USP20: variants seen among roughly 807,000 people sequenced by gnomAD.
USP20 encodes the protein ubiquitin specific peptidase 20, also known as ubiquitin carboxyl-terminal hydrolase 20.
Under a neutral mutation model 124.2 loss-of-function variants are expected in USP20, and 80 were observed. The ratio of observed to expected loss-of-function variants is 0.64; its 90% confidence interval spans 0.54 to 0.78. USP20 has a LOEUF of 0.78. Ranked by LOEUF, USP20 falls within the 30% of genes least tolerant of loss-of-function variation. The probability of loss-of-function intolerance (pLI) is 0.00; values close to 1 mark genes in which losing one functional copy is unlikely to be tolerated. For synonymous variants in USP20, 481 were observed against 512.3 expected (o/e 0.94, Z 0.83); for missense variants, 1,043 against 1,244.4 (o/e 0.84, Z 2.44).
chr9:129,869,275 G>A (rs2131085659), intron 12 of USP20, 35 bp from the exon 13 acceptor site: 1 of 1,588,084 alleles, frequency 6.3e-7, no homozygotes, highest in Non-Finnish European at 8.6e-7. Flanking sequence ...GGCCAGGCAG[G>A]TGGAGGCTGG....
intron 14 of USP20, chr9:129,870,228 A>G: frequency 1.7e-6 from 1 of 586,056 alleles, no homozygotes; most frequent in Non-Finnish European, 3.0e-6. Context: ...CATGGCCGCA[A>G]CACAGATGAA....
intron 10 of USP20, among the ~76,000 whole-genome samples, chr9:129,866,376 T>A (rs1290202679): frequency 6.6e-6 from 1 of 152,192 alleles, no homozygotes; most frequent in Non-Finnish European, 1.5e-5. Context: ...ATTTAAGTGG[T>A]CACAACTTAG....
At chr9:129,857,963 C>A in intron 4 of USP20, 87 bp from the exon 5 acceptor site, 1 of 1,220,334 alleles carries the variant, frequency 8.2e-7, no homozygotes, top group Non-Finnish European at 1.2e-6. Context: ...GAGGTAGGGG[C>A]ACTGACTTTG....
At chr9:129,840,812 C>T (rs1215811092) in intron 1 of USP20, among the ~76,000 whole-genome samples, 1 of 150,210 alleles carries the variant, frequency 6.7e-6, no homozygotes, top group African/African-American at 2.5e-5. Flanking sequence ...CTCTTGTCAC[C>T]CAGGCTGGAG....
chr9:129,844,346 T>C (rs1411875461), intron 1 of USP20, among the ~76,000 whole-genome samples: 1 of 151,968 alleles, frequency 6.6e-6, no homozygotes, highest in African/African-American at 2.4e-5. Context: ...ATATATCTGG[T>C]TGGGCATGGT....
rs756913861 is a variant in USP20, at chr9:129,874,717, G to A, written c.1882G>A (p.Asp628Asn). 3 of 1,613,706 alleles carry A rather than the reference G, an allele frequency of 1.9e-6. No homozygotes were observed. The highest frequency in any genetic ancestry group is 1.7e-5 in the Admixed American group (1 of 59,986). The change falls in exon 18 of 26, where the codon GAC (aspartate) becomes AAC (asparagine). Residue 628 changes from aspartate to asparagine, a missense_variant. Transcript: ENST00000372429. Reference protein sequence around the residue: ...KECTSQITTYDLLSVICHHGT... With the variant: ...KECTSQITTYNLLSVICHHGT... ...GTGCACATCCCAGATCACCACCTAC[G>A]ACCTCCTCTCGGTCATCTGCCACCA...
At chr9:129,858,709 T>C in intron 6 of USP20, 111 bp downstream of exon 6, 1 of 1,482,846 alleles carries the variant, frequency 6.7e-7, no homozygotes, top group South Asian at 1.3e-5. Flanking sequence ...GAGGTGTCTG[T>C]TTCTGGGTCA....
At chr9:129,846,865 G>A (rs1054119335) in intron 1 of USP20, among the ~76,000 whole-genome samples, 3 of 152,056 alleles carry the variant, frequency 2.0e-5, no homozygotes, top group Middle Eastern at 3.4e-3. Context: ...GACCTCAAGT[G>A]ATCCGCCTGC....
intron 10 of USP20, among the ~76,000 whole-genome samples, chr9:129,865,638 C>T (rs1455183923): frequency 1.3e-5 from 2 of 152,128 alleles, no homozygotes; most frequent in African/African-American, 4.8e-5. Context: ...GGCCACACAG[C>T]TAGTAAATGG....
chr9:129,869,907 G>A, intron 14 of USP20, 63 bp downstream of exon 14: 1 of 1,583,222 alleles, frequency 6.3e-7, no homozygotes, highest in Non-Finnish European at 8.6e-7. Flanking sequence ...TCCTGGGCGG[G>A]AGACAGTACA....
chr9:129,879,582 G>A lies in USP20; in HGVS notation c.2522G>A (p.Gly841Glu). 1 of 1,613,640 alleles carries A rather than the reference G, an allele frequency of 6.2e-7. No individual in the cohort carries two copies. The highest frequency in any genetic ancestry group is 8.5e-7 in the Non-Finnish European group (1 of 1,179,958). Residue 841 changes from glycine (G) to glutamate (E), a missense_variant, in exon 24 of 26, where the codon GGG becomes GAG. By Grantham distance (98) the Gly-to-Glu change is moderately conservative. Coordinates refer to ENST00000372429, the MANE Select transcript of USP20 (RefSeq NM_001110303.4). This position sits in a 1 kb window ranked among gnomAD's most constrained non-coding sequence, Gnocchi z 4.2. The part of the protein sequence containing the change: ...FVKGKDNEPP[G>E]PIDNSRIAQV... ...GCTGTGTCTGTTGCAGAGCCCCCCG[G>A]GCCCATTGACAACAGCAGGATTGCA...
intron 1 of USP20, among the ~76,000 whole-genome samples, chr9:129,846,054 A>G (rs368147085): frequency 8.6e-5 from 13 of 151,406 alleles, no homozygotes; most frequent in African/African-American, 3.2e-4. Context: ...CCTCCCGAGT[A>G]GCTGGGACTA....
intron 2 of USP20, among the ~76,000 whole-genome samples, chr9:129,851,658 T>A (rs2032925707): frequency 6.6e-6 from 1 of 152,256 alleles, no homozygotes; most frequent in Non-Finnish European, 1.5e-5. Flanking sequence ...TATCTTTTTA[T>A]ACCCCTGATT....
At chr9:129,869,042 G>A (rs2033979771) in intron 12 of USP20, 40 bp downstream of exon 12, 1 of 1,574,196 alleles carries the variant, frequency 6.4e-7, no homozygotes, top group South Asian at 1.1e-5. Flanking sequence ...TTGAGGCTGG[G>A]AGTACAGATT....
chr9:129,849,273 A>G (rs2032765074), intron 1 of USP20, among the ~76,000 whole-genome samples: 1 of 152,156 alleles, frequency 6.6e-6, no homozygotes, highest in Non-Finnish European at 1.5e-5. Context: ...ACTCCCTAGG[A>G]GGGGCTGCCC....
chr9:129,856,290 C>T lies in USP20; in HGVS notation c.82-17C>T, dbSNP rs780562807. The T allele has an allele frequency of 1.9e-6, 3 of 1,613,862 alleles. No homozygotes were observed. Among genetic ancestry groups the T allele is most frequent in the Admixed American group, 1.7e-5 (1 of 60,020 alleles). On this transcript the variant is annotated splice_polypyrimidine_tract_variant and intron_variant, in intron 3 of 25. Coordinates refer to ENST00000372429, the MANE Select transcript of USP20 (RefSeq NM_001110303.4). ...CTCCTCATGCCTGCTCTTTTTCTCT[C>T]CTCTCAACTCACACAGGGAACCTGT...
chr9:129,872,905 C>T (rs1304494167), intron 15 of USP20, among the ~76,000 whole-genome samples: 1 of 151,958 alleles, frequency 6.6e-6, no homozygotes, highest in Non-Finnish European at 1.5e-5. Context: ...ACCCCACCTC[C>T]ATTTTGCCTT....
Position 129,857,471 on chromosome 9 carries a change from A to C in USP20, c.136-579A>C, listed in dbSNP as rs573362816. 1.8e-3 allele frequency among the ~76,000 whole-genome samples: 279 copies of C among 152,318 alleles called. 1 individual carries two copies. Among genetic ancestry groups the C allele is most frequent in the African/African-American group, 6.5e-3 (271 of 41,574 alleles). On this transcript the variant is annotated intron_variant, in intron 4 of 25. Transcript: ENST00000372429. ...GCTACTGGCTGGCGTGGAGGCTCACAGTGGAAGCACTGAGCGGGCCTTGGA... is the reference window on the plus strand; with the variant it reads ...GCTACTGGCTGGCGTGGAGGCTCACCGTGGAAGCACTGAGCGGGCCTTGGA...
At chr9:129,835,556 A>C in intron 1 of USP20, 57 bp downstream of exon 1, 2 of 198,144 alleles carry the variant, frequency 1.0e-5, no homozygotes, top group Non-Finnish European at 2.0e-5. Flanking sequence ...AGCATTGGCG[A>C]CCCCAGCCCG....
Sources: gnomAD v4.1 joint callset for allele counts (sites outside exome capture counted in the v4.1 genomes callset) on GRCh38, gnomAD v4.1.1 for gene constraint, Gnocchi (gnomAD v3.1) non-coding constraint, MANE v1.5 for transcripts, NCBI Gene and HGNC (gene_info 2026-07-23, HGNC 2026-07-21) for gene names.